RBFOX1: variants seen among roughly 807,000 people sequenced by gnomAD.
RBFOX1 encodes RNA binding protein fox-1 homolog 1.
In RBFOX1, 8 loss-of-function variants were observed where a neutral mutation model predicts 57.7. The ratio of observed to expected loss-of-function variants is 0.14; its 90% CI spans 0.08 to 0.25. RBFOX1 has a LOEUF of 0.25. RBFOX1 is among the 10% of genes least tolerant of loss of function. RBFOX1 has a pLI of 1.00. For missense variants in RBFOX1, 611 were observed against 548.5 expected, an observed-to-expected ratio of 1.11 and a Z score of -1.14; for synonymous variants, 326 against 222.4, an observed-to-expected ratio of 1.47 and a Z score of -4.15.
At chr16:6,127,422 C>T (rs1156515535) in intron 1 of RBFOX1, among the ~76,000 whole-genome samples, 1 of 152,034 alleles carries the variant, frequency 6.6e-6, no homozygotes, top group Non-Finnish European at 1.5e-5. Context: ...AATGTTTGAG[C>T]ATTATATGCC....
chr16:5,705,675 T>C (rs941739836), intron 3 of RBFOX1, among the ~76,000 whole-genome samples: 1 of 152,170 alleles, frequency 6.6e-6, no homozygotes, highest in Non-Finnish European at 1.5e-5. Context: ...GAGAAAGAGA[T>C]GAGACCTGAC....
rs540040756 is a variant in RBFOX1, at chr16:7,359,177, T to C, written c.28-158970T>C. 1.2e-4 allele frequency among the ~76,000 whole-genome samples: 19 copies of C among 152,340 alleles called. No individual in the cohort carries two copies. The South Asian group carries it at 3.9e-3, about 32-fold the overall frequency. On this transcript the variant is annotated intron_variant, in intron 4 of 15. Coordinates refer to ENST00000550418, the MANE Select transcript of RBFOX1 (RefSeq NM_018723.4). Reference sequence around the variant, plus strand: ...TGCAAATGCTGTGTGACCTTTGGCATGTCTCAGAACCTCTCTTATCTGAGC... The same window carrying C: ...TGCAAATGCTGTGTGACCTTTGGCACGTCTCAGAACCTCTCTTATCTGAGC...
chr16:6,838,754 G>C (rs1603630802), intron 3 of RBFOX1, among the ~76,000 whole-genome samples: 3 of 152,236 alleles, frequency 2.0e-5, no homozygotes, highest in Admixed American at 2.0e-4. Flanking sequence ...GCATCCTCCA[G>C]GGGTCTCAAT....
At chr16:6,240,577 C>T (rs12447436) in intron 1 of RBFOX1, among the ~76,000 whole-genome samples, 4,111 of 152,218 alleles carry the variant, frequency 0.027, 64 homozygotes, top group Middle Eastern at 0.054. Context: ...CAAGTACAAA[C>T]CCCTACTGAA....
At chr16:7,348,200 A>G (rs370071034) in intron 4 of RBFOX1, among the ~76,000 whole-genome samples, 12 of 152,360 alleles carry the variant, frequency 7.9e-5, no homozygotes, top group African/African-American at 2.9e-4. Flanking sequence ...CATATACCAC[A>G]TAGATACATA....
At chr16:6,558,920 C>A (rs720377) in intron 2 of RBFOX1, among the ~76,000 whole-genome samples, 1 of 152,050 alleles carries the variant, frequency 6.6e-6, no homozygotes, top group Admixed American at 6.5e-5. Flanking sequence ...CCCCTCCTGC[C>A]TCACCACAAC....
intron 4 of RBFOX1, among the ~76,000 whole-genome samples, chr16:7,440,805 T>C (rs2098760078): frequency 6.6e-6 from 1 of 152,158 alleles, no homozygotes; most frequent in Non-Finnish European, 1.5e-5. Context: ...ATTCCTCACA[T>C]TTAGCAGCCC....
chr16:6,350,976 G>A (rs887183775), intron 2 of RBFOX1, among the ~76,000 whole-genome samples: 2 of 152,190 alleles, frequency 1.3e-5, no homozygotes, highest in African/African-American at 4.8e-5. Flanking sequence ...GAAGACCACA[G>A]GCAGTGGGCA....
At chr16:6,757,107 C>T (rs2075918922) in intron 3 of RBFOX1, among the ~76,000 whole-genome samples, 1 of 152,160 alleles carries the variant, frequency 6.6e-6, no homozygotes, top group East Asian at 1.9e-4. Context: ...CGTATAATTT[C>T]ATCCCAATTA....
rs188370971 is a variant in RBFOX1 at position 6,762,742 on chromosome 16, G to A, written c.-16+108092G>A. Among the ~76,000 whole-genome samples the A allele has an allele frequency of 7.2e-5, 11 of 152,042 alleles. No homozygotes were observed. In the East Asian group the frequency reaches 1.9e-3, roughly 27 times the overall value. ...AGTTCTAGAGATAGAAAAATAGTAA[G>A]GTAAAGAGCCTTACCCCAAGGGGAT... is the stretch of plus-strand genomic sequence containing the variant. On this transcript the variant is annotated intron_variant, in intron 3 of 15. Transcript: ENST00000550418.
chr16:5,547,810 C>G (rs2045278011), intron 2 of RBFOX1, among the ~76,000 whole-genome samples: 1 of 152,080 alleles, frequency 6.6e-6, no homozygotes, highest in Non-Finnish European at 1.5e-5. Context: ...AAACCAAATA[C>G]TACATGTGCT....
At chr16:7,067,271 T>C (rs752618177) in intron 4 of RBFOX1, among the ~76,000 whole-genome samples, 2 of 150,964 alleles carry the variant, frequency 1.3e-5, no homozygotes, top group African/African-American at 4.9e-5. Context: ...TGTTGAAATC[T>C]GTGTTAGTTT....
At chr16:5,254,752 G>T (rs763156907) in intron 1 of RBFOX1, among the ~76,000 whole-genome samples, 2 of 152,210 alleles carry the variant, frequency 1.3e-5, no homozygotes, top group South Asian at 4.1e-4. Flanking sequence ...GGAAAAGGCT[G>T]TGTGATGACA....
intron 4 of RBFOX1, among the ~76,000 whole-genome samples, chr16:7,053,302 T>G (rs1192212827): frequency 6.6e-6 from 1 of 152,206 alleles, no homozygotes; most frequent in African/African-American, 2.4e-5. Context: ...CTACCCACTT[T>G]CCTCCAAGTA....
chr16:5,497,638 A>AAAAAAAAAAAAT (rs71142625), intron 2 of RBFOX1, among the ~76,000 whole-genome samples: 3 of 139,400 alleles, frequency 2.2e-5, no homozygotes, highest in Non-Finnish European at 3.0e-5. Flanking sequence ...AAAAAAAAAA[A>AAAAAAAAAAAAT]GCTGGGCATG....
At chr16:6,232,879 G>A (rs1011541256) in intron 1 of RBFOX1, among the ~76,000 whole-genome samples, 1 of 152,146 alleles carries the variant, frequency 6.6e-6, no homozygotes, top group African/African-American at 2.4e-5. Context: ...TGCACATGTA[G>A]CATCCACATG....
chr16:5,739,035 A>C (rs2151585254), intron 3 of RBFOX1, among the ~76,000 whole-genome samples: 1 of 152,240 alleles, frequency 6.6e-6, no homozygotes, highest in South Asian at 2.1e-4. Flanking sequence ...GTTTAGAAAA[A>C]ACTCTTTTTT....
intron 4 of RBFOX1, among the ~76,000 whole-genome samples, chr16:7,428,478 T>TACC (rs2098644748): frequency 6.8e-6 from 1 of 147,454 alleles, no homozygotes; most frequent in Non-Finnish European, 1.5e-5. Context: ...AGGCATCCAC[T>TACC]ACCACTCCTG....
intron 3 of RBFOX1, among the ~76,000 whole-genome samples, chr16:5,847,090 G>T (rs926640530): frequency 6.6e-6 from 1 of 152,152 alleles, no homozygotes; most frequent in Non-Finnish European, 1.5e-5. Context: ...AGGGAATTCC[G>T]AAGTGGCTGT....
Sources: gnomAD v4.1 joint callset for allele counts (sites outside exome capture counted in the v4.1 genomes callset) on GRCh38, gnomAD v4.1.1 for gene constraint, MANE v1.5 for transcripts, NCBI Gene and HGNC (gene_info 2026-07-23, HGNC 2026-07-21) for gene names.